Variants in RASEF observed in about 807,000 individuals in gnomAD.
The protein encoded by RASEF is RAS and EF-hand domain containing, also known as ras and EF-hand domain-containing protein.
In RASEF, 68 loss-of-function variants were observed where a neutral mutation model predicts 90.1. That is an observed-to-expected ratio of 0.75 (90% CI 0.62 to 0.92). RASEF has a LOEUF of 0.92. Ranked by LOEUF, RASEF falls within the 40% of genes least tolerant of loss-of-function variation. The pLI, the probability that RASEF is intolerant of heterozygous loss-of-function variation, is 0.00. For missense variants in RASEF, 949 were observed against 937.2 expected, an observed-to-expected ratio of 1.01 and a Z score of -0.16; for synonymous variants, 331 against 345.2, an observed-to-expected ratio of 0.96 and a Z score of 0.46.
the RASEF span, among the ~76,000 whole-genome samples, chr9:83,185,346 T>C: frequency 8.5e-6 from 1 of 118,194 alleles, no homozygotes; most frequent in African/African-American, 2.6e-5. Context: ...TCTTTCTTTC[T>C]TTCTTTCTTT....
chr9:83,115,305 A>G, the RASEF span, among the ~76,000 whole-genome samples: 2 of 152,250 alleles, frequency 1.3e-5, no homozygotes, highest in Non-Finnish European at 1.5e-5. Context: ...AATTTGTTAC[A>G]AAAACCAATA....
At position 82,997,010 on chromosome 9, in the gene RASEF, AC is replaced by A; in HGVS notation, c.1920+1del. On this transcript the variant is annotated splice_donor_variant, in intron 14 of 16. Coordinates refer to ENST00000376447, the MANE Select transcript of RASEF (RefSeq NM_152573.4). LOFTEE classifies it high-confidence loss of function. ...TTCTGTTTCTCCATTATGATTTCTT[AC>A]CTCAATCATATCTACCCATTCTCGT... 6.6e-7 allele frequency: 1 copy of A among 1,511,152 alleles called. No individual in the cohort carries two copies. Among genetic ancestry groups the A allele is most frequent in the Non-Finnish European group, 9.2e-7 (1 of 1,086,646 alleles). The allele number at this position is 1,511,152 out of a possible 1,614,324, so 93.6% of individuals were successfully genotyped here. A position where few individuals can be genotyped will look rare whatever the true frequency, so the allele number is the denominator to read the frequency against.
chr9:83,148,691 G>C, the RASEF span, among the ~76,000 whole-genome samples: 1 of 152,230 alleles, frequency 6.6e-6, no homozygotes. Flanking sequence ...ATGTGGATTA[G>C]AGTGAGACTT....
the RASEF span, among the ~76,000 whole-genome samples, chr9:83,171,550 C>T: frequency 6.6e-6 from 1 of 151,814 alleles, no homozygotes; most frequent in African/African-American, 2.4e-5. Context: ...GCAGTGAAGG[C>T]ATCAGGTCCT....
At chr9:83,167,970 T>A in the RASEF span, among the ~76,000 whole-genome samples, 1 of 152,188 alleles carries the variant, frequency 6.6e-6, no homozygotes, top group Non-Finnish European at 1.5e-5. Flanking sequence ...TCAATGGACA[T>A]TCATGTACAA....
At chr9:83,108,573 T>TC in the RASEF span, among the ~76,000 whole-genome samples, 1 of 152,152 alleles carries the variant, frequency 6.6e-6, no homozygotes, top group African/African-American at 2.4e-5. Flanking sequence ...AGAGATTATC[T>TC]CCCCAAGAAA....
At chr9:83,098,181 A>G in the RASEF span, among the ~76,000 whole-genome samples, 1 of 152,190 alleles carries the variant, frequency 6.6e-6, no homozygotes, top group Non-Finnish European at 1.5e-5. Context: ...AGCAACTAAG[A>G]GAGACTTGAT....
Position 83,043,298 on chromosome 9 carries a change from G to A in RASEF, c.432-17377C>T, listed in dbSNP as rs182261636. ...ACTACAAGCTCACAAACATCATGGTGACTGAAAGAAGCCAAATGCATTGTA... is the reference window on the plus strand; with the variant it reads ...ACTACAAGCTCACAAACATCATGGTAACTGAAAGAAGCCAAATGCATTGTA... On this transcript the variant is annotated intron_variant, in intron 1 of 16. Coordinates refer to ENST00000376447, the MANE Select transcript of RASEF (RefSeq NM_152573.4). Among the ~76,000 whole-genome samples the A allele has an allele frequency of 3.3e-5, 5 of 152,108 alleles. No individual in the cohort carries two copies. In the East Asian group the frequency reaches 9.7e-4, roughly 29 times the overall value.
At chr9:83,065,061 A>G (rs985123010), upstream of RASEF, among the ~76,000 whole-genome samples, 2 of 152,152 alleles carry the variant, frequency 1.3e-5, no homozygotes, top group African/African-American at 4.8e-5. Flanking sequence ...GAGCAAGACT[A>G]TGTCTCAAAA....
chr9:83,097,064 G>C, the RASEF span, among the ~76,000 whole-genome samples: 1 of 152,074 alleles, frequency 6.6e-6, no homozygotes, highest in Non-Finnish European at 1.5e-5. Flanking sequence ...CCAAGTCTTT[G>C]CTATTGTGAA....
rs372389795 is a variant in RASEF, at chr9:83,062,384, G to A, written c.431+53C>T. ...CTGCACACCTGCAAGTAAGTGGGAA[G>A]AAGCAAGCAGGAAGCGCCAGAATAA... On this transcript the variant is annotated intron_variant, in intron 1 of 16. Transcript: ENST00000376447. The A allele has an allele frequency of 1.8e-4, 280 of 1,578,920 alleles. 1 individual carries two copies. The African/African-American group carries it at 3.6e-3, about 20-fold the overall frequency.
At chr9:83,065,118 G>A (rs940694569), upstream of RASEF, among the ~76,000 whole-genome samples, 5 of 152,204 alleles carry the variant, frequency 3.3e-5, no homozygotes, top group Admixed American at 3.3e-4. Flanking sequence ...TATTCCAAAT[G>A]TCTTGTGCAT....
chr9:83,123,634 C>T, the RASEF span, among the ~76,000 whole-genome samples: 125 of 152,284 alleles, frequency 8.2e-4, no homozygotes, highest in African/African-American at 3.0e-3. Context: ...CCCACTGAGC[C>T]GTGCTCTTCG....
At chr9:83,128,022 T>A in the RASEF span, among the ~76,000 whole-genome samples, 3 of 111,956 alleles carry the variant, frequency 2.7e-5, no homozygotes. Flanking sequence ...TTATTTTTCT[T>A]TTCTTTTTTT....
intron 14 of RASEF, among the ~76,000 whole-genome samples, chr9:82,995,807 G>A (rs1828905654): frequency 6.6e-6 from 1 of 152,124 alleles, no homozygotes; most frequent in South Asian, 2.1e-4. Flanking sequence ...AGCAACCACT[G>A]TTCAATCAGG....
the RASEF span, among the ~76,000 whole-genome samples, chr9:83,196,738 G>A: frequency 6.6e-6 from 1 of 152,160 alleles, no homozygotes; most frequent in East Asian, 1.9e-4. Flanking sequence ...CTAAAACTGG[G>A]GAGGGAAGAG....
intron 1 of RASEF, among the ~76,000 whole-genome samples, chr9:83,044,660 A>C (rs189035337): frequency 2.4e-4 from 36 of 152,360 alleles, no homozygotes; most frequent in African/African-American, 8.7e-4. Context: ...ACAAGCTAGA[A>C]GCATTCAAAA....
chr9:83,205,241 C>A, the RASEF span, among the ~76,000 whole-genome samples: 1 of 152,074 alleles, frequency 6.6e-6, no homozygotes, highest in Non-Finnish European at 1.5e-5. Flanking sequence ...GAGAGCAAAG[C>A]GAAGAAATGG....
chr9:83,087,405 T>TCTCTCTCTCTCTCTCTCTCTCTCTCTC, the RASEF span, among the ~76,000 whole-genome samples: 2 of 115,530 alleles, frequency 1.7e-5, no homozygotes, highest in Admixed American at 8.7e-5. Flanking sequence ...TTCTCATTCA[T>TCTCTCTCTCTCTCTCTCTCTCTCTCTC]TCTCTCTCTC....
Sources: gnomAD v4.1 joint callset for allele counts (sites outside exome capture counted in the v4.1 genomes callset) on GRCh38, gnomAD v4.1.1 for gene constraint, MANE v1.5 for transcripts, NCBI Gene and HGNC (gene_info 2026-07-23, HGNC 2026-07-21) for gene names.